Variants in LRIT1 observed in about 807,000 individuals in gnomAD.
LRIT1 encodes leucine-rich repeat, immunoglobulin-like domain and transmembrane domain-containing protein 1.
Under a neutral mutation model 24.0 loss-of-function variants are expected in LRIT1, and 23 were observed. The ratio of observed to expected loss-of-function variants is 0.96; its 90% confidence interval spans 0.69 to 1.36. The LOEUF (loss-of-function observed/expected upper bound fraction) is 1.36. LRIT1 is among the 40% of genes most tolerant of loss of function. The pLI is 0.00. For synonymous variants in LRIT1, 361 were observed against 340.5 expected, an observed-to-expected ratio of 1.06 and a Z score of -0.66; for missense variants, 846 against 806.3, an observed-to-expected ratio of 1.05 and a Z score of -0.60.
In LRIT1 at chr10:84,232,445, G is replaced by A. The variant is rs1195381175; in HGVS notation, c.1354C>T (p.Gln452Ter). The A allele has an allele frequency of 1.2e-6, 2 of 1,614,128 alleles. No homozygotes were observed. Among genetic ancestry groups the A allele is most frequent in the Admixed American group, 3.3e-5 (2 of 60,022 alleles). Residue 452 changes from glutamine to a stop codon, truncating the protein, a stop_gained, in exon 4 of 4, where the codon CAG becomes TAG. Transcript: ENST00000372105. LOFTEE classifies it low-confidence loss of function (END_TRUNC). ...HSVSLVWKAP[Q>*]AKNTTAFSVL... ...CTGAAGGCAGTTGTGTTCTTAGCCT[G>A]GGGTGCCTTCCACACCAAGGACACG...
At chr10:84,236,822 T>TTATGC (rs1176773275) in intron 2 of LRIT1, among the ~76,000 whole-genome samples, 11 of 152,244 alleles carry the variant, frequency 7.2e-5, no homozygotes, top group Admixed American at 7.2e-4. Context: ...CCAGAATGAA[T>TTATGC]TATGCCCCTT....
Position 84,241,523 on chromosome 10 carries a change from C to T in LRIT1, c.-84G>A, listed in dbSNP as rs1054860963. ...CGGCCCAGCAAGCTCAGCAGCTGCC[C>T]ACTTGCTCGCCAGCCCCTTACACCC... On this transcript the variant is annotated 5_prime_UTR_variant, in exon 1 of 4. Transcript: ENST00000372105. 10 of 784,826 alleles carry T rather than the reference C, an allele frequency of 1.3e-5. No homozygotes were observed. The South Asian group carries it at 1.9e-4, about 15-fold the overall frequency. 48.6% of individuals were successfully genotyped at this position (784,826 alleles called of 1,614,324 possible).
chr10:84,238,799 G>A (rs938409400), intron 1 of LRIT1, among the ~76,000 whole-genome samples: 2 of 152,134 alleles, frequency 1.3e-5, no homozygotes, highest in African/African-American at 4.8e-5. Flanking sequence ...CCCAAACCAC[G>A]ACTTCTTAAA....
Position 84,237,494 on chromosome 10 carries a change from G to GCAGGCGTCGCAGA in LRIT1, c.314_315insTCTGCGACGCCTG (p.Arg110ProfsTer44). On this transcript the variant is annotated frameshift_variant, in exon 2 of 4. Transcript: ENST00000372105. LOFTEE classifies it high-confidence loss of function. ...GCCGCAGCTCCCGCAGGCGTCGCAG[G>GCAGGCGTCGCAGA]CCCCGCAGCATGAGGGCGTTGAGCT... is the stretch of plus-strand genomic sequence containing the variant. 1 of 1,594,696 alleles carries GCAGGCGTCGCAGA rather than the reference G, an allele frequency of 6.3e-7. No individual in the cohort carries two copies. Among genetic ancestry groups the GCAGGCGTCGCAGA allele is most frequent in the Non-Finnish European group, 8.5e-7 (1 of 1,174,780 alleles).
chr10:84,232,487 C>G lies in LRIT1; in HGVS notation c.1312G>C (p.Gly438Arg). ...AAGGACACGCTGTGGTAAGTGTCCC[C>G]CACCACCTTCACAGACCTCACCATT... Reference protein sequence around the residue: ...ARMVRSVKVVGDTYHSVSLVW... With the variant: ...ARMVRSVKVVRDTYHSVSLVW... The change falls in exon 4 of 4, where the codon GGG becomes CGG. Residue 438 changes from glycine (G) to arginine (R), a missense_variant. Coordinates refer to ENST00000372105, the MANE Select transcript of LRIT1 (RefSeq NM_015613.3). 1 of 1,614,120 alleles carries G rather than the reference C, an allele frequency of 6.2e-7. No individual in the cohort carries two copies. Among genetic ancestry groups the G allele is most frequent in the Non-Finnish European group, 8.5e-7 (1 of 1,180,018 alleles).
Position 84,232,335 on chromosome 10 carries a change from C to T in LRIT1, c.1464G>A (p.Leu488=), listed in dbSNP as rs1398135510. The change falls in exon 4 of 4, where the codon CTG becomes CTA. Residue 488 remains leucine (L), a synonymous_variant. Transcript: ENST00000372105. Reference sequence around the variant, plus strand: ...ACGCCACATACTTGGTCTTGGGCAACAGCCCAGTGATGGTCACTCTGGTCT... The same window carrying T: ...ACGCCACATACTTGGTCTTGGGCAATAGCCCAGTGATGGTCACTCTGGTCT... ...PGKTRVTITG[L]LPKTKYVACV... 1.2e-6 allele frequency: 2 copies of T among 1,613,844 alleles called. No homozygotes were observed. The highest frequency in any genetic ancestry group is 1.7e-6 in the Non-Finnish European group (2 of 1,179,952).
Position 84,237,619 on chromosome 10 carries a change from G to A in LRIT1, c.190C>T (p.Leu64=). Residue 64 remains leucine, a synonymous_variant, in exon 2 of 4, where the codon CTG becomes TTG. Coordinates refer to ENST00000372105, the MANE Select transcript of LRIT1 (RefSeq NM_015613.3). The stretch of plus-strand genomic sequence containing the variant: ...CGTATGGCCGTCCGCTCCAGGCGCA[G>A]TCTGGAGGTGTCCGGGGGGATGGAC... ...PASIPPDTSR[L]RLERTAIRRV... The A allele has an allele frequency of 1.2e-6, 2 of 1,606,688 alleles. No individual in the cohort carries two copies. Among genetic ancestry groups the A allele is most frequent in the Non-Finnish European group, 1.7e-6 (2 of 1,179,462 alleles).
At chr10:84,238,472 C>T (rs182315971) in intron 1 of LRIT1, among the ~76,000 whole-genome samples, 1 of 152,306 alleles carries the variant, frequency 6.6e-6, no homozygotes, top group African/African-American at 2.4e-5. Flanking sequence ...TCAAGTCTCT[C>T]CCACCTCTGC....
chr10:84,236,446 A>G (rs889639146), intron 2 of LRIT1, among the ~76,000 whole-genome samples: 8 of 152,268 alleles, frequency 5.3e-5, no homozygotes, highest in African/African-American at 1.7e-4. Context: ...CAGATATAGT[A>G]TACTATAGAA....
Position 84,241,489 on chromosome 10 carries a change from C to G in LRIT1, c.-50G>C. The stretch of plus-strand genomic sequence containing the variant: ...GGCAGGGGCCTGTCCCTGGACCGCT[C>G]CGTCCCACCGGCCCAGCAAGCTCAG... On this transcript the variant is annotated 5_prime_UTR_variant, in exon 1 of 4. Coordinates refer to ENST00000372105, the MANE Select transcript of LRIT1 (RefSeq NM_015613.3). The G allele has an allele frequency of 2.1e-6, 3 of 1,426,338 alleles. No homozygotes were observed. Among genetic ancestry groups the G allele is most frequent in the Admixed American group, 3.0e-5 (1 of 33,132 alleles). 88.4% of individuals were successfully genotyped at this position (1,426,338 alleles called of 1,614,324 possible).
chr10:84,237,375 G>C lies in LRIT1; in HGVS notation c.434C>G (p.Ala145Gly). 1.3e-6 allele frequency: 2 copies of C among 1,549,448 alleles called. No individual in the cohort carries two copies. The highest frequency in any genetic ancestry group is 1.7e-6 in the Non-Finnish European group (2 of 1,146,940). ...GAAGCGCGCGGCCTCAGCGGGCACAGCCGAGAGGCGGTTGGCCTGCAGGTC... is the reference window on the plus strand; with the variant it reads ...GAAGCGCGCGGCCTCAGCGGGCACACCCGAGAGGCGGTTGGCCTGCAGGTC... ...LLDLQANRLS[A>G]VPAEAARFLE... The change falls in exon 2 of 4, where the codon GCT (alanine) becomes GGT (glycine). Residue 145 changes from alanine (A) to glycine (G), a missense_variant. Coordinates refer to ENST00000372105, the MANE Select transcript of LRIT1 (RefSeq NM_015613.3).
At chr10:84,237,134 G>T in intron 2 of LRIT1, 86 bp downstream of exon 2, 1 of 1,084,964 alleles carries the variant, frequency 9.2e-7, no homozygotes, top group Non-Finnish European at 1.4e-6. Flanking sequence ...TGGAAGGAAG[G>T]TATGATTTCA....
intron 3 of LRIT1, among the ~76,000 whole-genome samples, chr10:84,233,763 A>G (rs1044919223): frequency 2.6e-5 from 4 of 152,230 alleles, no homozygotes; most frequent in African/African-American, 7.2e-5. Context: ...TTTATTATAA[A>G]TATTAACACA....
rs1303924329 is a variant in LRIT1, at chr10:84,232,239, A to G, written c.1560T>C (p.Asp520=). The G allele has an allele frequency of 1.2e-6, 2 of 1,614,068 alleles. No homozygotes were observed. The highest frequency in any genetic ancestry group is 1.7e-6 in the Non-Finnish European group (2 of 1,180,020). The change falls in exon 4 of 4, where the codon GAT becomes GAC. Residue 520 remains aspartate (D), a synonymous_variant. Transcript: ENST00000372105. ...CVIFSTNEVV[D]AENTQQLINV... is the part of the protein sequence containing the mutation. ...TGATAAGCTGCTGAGTGTTCTCAGC[A>G]TCCACCACTTCATTGGTGGAGAAAA...
At chr10:84,236,189 G>A (rs966033330) in intron 2 of LRIT1, among the ~76,000 whole-genome samples, 1 of 151,802 alleles carries the variant, frequency 6.6e-6, no homozygotes, top group Non-Finnish European at 1.5e-5. Context: ...CCAGCTACTC[G>A]GGAGGCTGAG....
Position 84,237,274 on chromosome 10 carries a change from C to T in LRIT1, c.535G>A (p.Ala179Thr), listed in dbSNP as rs139794294. Residue 179 changes from alanine to threonine, a missense_variant, in exon 2 of 4, where the codon GCT becomes ACT. Physicochemically the swap from Ala to Thr is moderately conservative, Grantham distance 58 (BLOSUM62 0). Transcript: ENST00000372105. ...GGAAAGATACCGGTCTCCAGGTGAG[C>T]CCAGGAGACGATGAGCTCCTGCGGG... ...RLPQELIVSW[A>T]HLETGIFPPG... is the part of the protein sequence containing the mutation. The T allele has an allele frequency of 2.0e-4, 316 of 1,550,876 alleles. 3 individuals carry two copies. The highest frequency in any genetic ancestry group is 5.6e-4 in the African/African-American group (41 of 73,152).
At chr10:84,234,445 T>G in intron 2 of LRIT1, 67 bp from the exon 3 acceptor site, 1 of 1,305,294 alleles carries the variant, frequency 7.7e-7, no homozygotes, top group Non-Finnish European at 1.0e-6. Context: ...CCAGCACCCC[T>G]TCCCCTCTGG....
chr10:84,233,065 C>A (rs989949487), intron 3 of LRIT1, among the ~76,000 whole-genome samples, 162 bp from the exon 4 acceptor site: 2 of 152,234 alleles, frequency 1.3e-5, no homozygotes, highest in Non-Finnish European at 1.5e-5. Context: ...AGGGTATCAA[C>A]ATTACCTTGG....
At position 84,241,499 on chromosome 10, in the gene LRIT1, G is replaced by GCCCAGCAA. The variant is rs1564545854; in HGVS notation, c.-61_-60insTTGCTGGG. ...TGTCCCTGGACCGCTCCGTCCCACC[G>GCCCAGCAA]GCCCAGCAAGCTCAGCAGCTGCCCA... On this transcript the variant is annotated 5_prime_UTR_variant, in exon 1 of 4. Transcript: ENST00000372105. 4.2e-6 allele frequency: 6 copies of GCCCAGCAA among 1,421,056 alleles called. No homozygotes were observed. The African/African-American group carries it at 5.9e-5, about 14-fold the overall frequency. The allele number at this position is 1,421,056 out of a possible 1,614,324, so 88.0% of individuals were successfully genotyped here. A position where few individuals can be genotyped will look rare whatever the true frequency, so the allele number is the denominator to read the frequency against.
Sources: gnomAD v4.1 joint callset for allele counts (sites outside exome capture counted in the v4.1 genomes callset) on GRCh38, gnomAD v4.1.1 for gene constraint, MANE v1.5 for transcripts, NCBI Gene and HGNC (gene_info 2026-07-23, HGNC 2026-07-21) for gene names.